Variants in PTPRG observed in about 807,000 individuals in gnomAD.
PTPRG encodes the protein protein tyrosine phosphatase receptor type G, also known as receptor-type tyrosine-protein phosphatase gamma.
Under a neutral mutation model 165.3 loss-of-function variants are expected in PTPRG, and 102 were observed. The observed-to-expected ratio is 0.62, with a 90% CI of 0.53 to 0.73. The LOEUF is 0.73. PTPRG is among the 30% of genes least tolerant of loss of function. The pLI, the probability that PTPRG is intolerant of heterozygous loss-of-function variation, is 0.00. For missense variants in PTPRG, 1,866 were observed against 1,861.4 expected, an observed-to-expected ratio of 1.00 and a Z score of -0.05; for synonymous variants, 675 against 669.5, an observed-to-expected ratio of 1.01 and a Z score of -0.13.
At chr3:61,643,461 A>G (rs1283958110) in intron 1 of PTPRG, among the ~76,000 whole-genome samples, 2 of 152,180 alleles carry the variant, frequency 1.3e-5, no homozygotes, top group African/African-American at 4.8e-5. Flanking sequence ...TCTAGGTCCA[A>G]TAATAACTTT....
chr3:61,692,643 C>A lies in PTPRG; in HGVS notation c.86-56235C>A, dbSNP rs1458862276. ...AGGTAAAGGAAAAACGGGGGTTGTT[C>A]TCTGGCAGGCAAGAGTGGGGGTCAC... On this transcript the variant is annotated intron_variant, in intron 1 of 29. Transcript: ENST00000474889. Among the ~76,000 whole-genome samples, 4 of 152,020 alleles carry A rather than the reference C, an allele frequency of 2.6e-5. 1 individual carries two copies. Among genetic ancestry groups the A allele is most frequent in the Middle Eastern group, 6.3e-3 (2 of 316 alleles).
chr3:61,876,424 G>T lies in PTPRG; in HGVS notation c.191-113201G>T, dbSNP rs182617218. On this transcript the variant is annotated intron_variant, in intron 2 of 29. Coordinates refer to ENST00000474889, the MANE Select transcript of PTPRG (RefSeq NM_002841.4). ...TTGATGAGTTAATTCTGTCACGCTC[G>T]TGTCAATTTCCTGGTTTTGATCATT... 3.9e-5 allele frequency among the ~76,000 whole-genome samples: 6 copies of T among 152,304 alleles called. No individual in the cohort carries two copies. The East Asian group carries it at 7.7e-4, about 20-fold the overall frequency.
At chr3:62,038,459 G>A (rs577706498) in intron 4 of PTPRG, among the ~76,000 whole-genome samples, 27 of 152,184 alleles carry the variant, frequency 1.8e-4, no homozygotes, top group Non-Finnish European at 3.5e-4. Context: ...GTGCAGTGGT[G>A]TAATCTTGGC....
intron 2 of PTPRG, among the ~76,000 whole-genome samples, chr3:61,914,206 C>T (rs765086546): frequency 1.8e-4 from 28 of 152,134 alleles, no homozygotes; most frequent in African/African-American, 4.8e-5. Context: ...CTTTGACCTA[C>T]GTTTCCTGTT....
In PTPRG at chr3:62,203,256, C is replaced by T. The variant is rs1206045799; in HGVS notation, c.1461C>T (p.Phe487=). The change falls in exon 12 of 30, where the codon TTC becomes TTT. Residue 487 remains phenylalanine, a synonymous_variant. Coordinates refer to ENST00000474889, the MANE Select transcript of PTPRG (RefSeq NM_002841.4). The surrounding 1 kb of genome is among the most constrained non-coding windows in gnomAD (Gnocchi z 6.4). ...CCTGGACGTCCTCTGGCATCCCATT[C>T]TCATTTGTTTCCATGGCAACTGGGA... is the stretch of plus-strand genomic sequence containing the variant. The part of the protein sequence containing the change: ...SSTWTSSGIP[F]SFVSMATGMG... 1.2e-6 allele frequency: 2 copies of T among 1,613,976 alleles called. No individual in the cohort carries two copies. Among genetic ancestry groups the T allele is most frequent in the East Asian group, 2.2e-5 (1 of 44,868 alleles).
rs549855735 is a variant in PTPRG, at chr3:61,601,951, C to T, written c.85+39579C>T. Reference sequence around the variant, plus strand: ...CTCTCATGCGTGGTTTCATTTGAACCTTACAACAACGCTGTTAGAGCGTTG... The same window carrying T: ...CTCTCATGCGTGGTTTCATTTGAACTTTACAACAACGCTGTTAGAGCGTTG... On this transcript the variant is annotated intron_variant, in intron 1 of 29. Transcript: ENST00000474889. 2.6e-5 allele frequency among the ~76,000 whole-genome samples: 4 copies of T among 152,316 alleles called. No individual in the cohort carries two copies. In the South Asian group the frequency reaches 8.3e-4, roughly 32 times the overall value.
intron 17 of PTPRG, among the ~76,000 whole-genome samples, chr3:62,265,443 A>T (rs1576195169): frequency 6.6e-6 from 1 of 152,090 alleles, no homozygotes; most frequent in Non-Finnish European, 1.5e-5. Flanking sequence ...AGTTTATATA[A>T]ATACATTTGT....
intron 1 of PTPRG, among the ~76,000 whole-genome samples, chr3:61,694,390 T>C (rs929226268): frequency 6.6e-6 from 1 of 152,150 alleles, no homozygotes; most frequent in African/African-American, 2.4e-5. Flanking sequence ...GATCAAAATG[T>C]TTGATAAAAT....
Position 62,078,211 on chromosome 3 carries a change from G to A in PTPRG, c.568G>A (p.Ala190Thr), listed in dbSNP as rs866875275. The A allele has an allele frequency of 1.1e-5, 17 of 1,606,376 alleles. No homozygotes were observed. Among genetic ancestry groups the A allele is most frequent in the East Asian group, 2.2e-5 (1 of 44,460 alleles). The change falls in exon 5 of 30, where the codon GCA becomes ACA. Residue 190 changes from alanine to threonine, a missense_variant. Around this residue, in one of 3 missense-constraint regions of PTPRG, gnomAD observed 408 missense variants for 376.2 expected, o/e 1.08. Transcript: ENST00000474889. The stretch of plus-strand genomic sequence containing the variant: ...AGATGACTTTGACAGCTTTCAAACC[G>A]CAATTTCTGAGAACAGAATAATCGG... ...NPDDFDSFQTAISENRIIGAM... is the reference protein window; with the variant it reads ...NPDDFDSFQTTISENRIIGAM...
intron 2 of PTPRG, among the ~76,000 whole-genome samples, chr3:61,776,100 AG>A (rs1249318666): frequency 6.6e-6 from 1 of 150,916 alleles, no homozygotes; most frequent in Non-Finnish European, 1.5e-5. Flanking sequence ...AAAAAAAAAA[AG>A]AATTCAAGGT....
intron 2 of PTPRG, among the ~76,000 whole-genome samples, chr3:61,866,541 T>C (rs368689114): frequency 1.4e-5 from 2 of 147,472 alleles, no homozygotes; most frequent in African/African-American, 4.9e-5. Context: ...CTGTAAAAAT[T>C]ACACTTACAC....
chr3:61,604,776 C>T (rs995527057), intron 1 of PTPRG, among the ~76,000 whole-genome samples: 1 of 152,020 alleles, frequency 6.6e-6, no homozygotes, highest in Non-Finnish European at 1.5e-5. Flanking sequence ...AGCTGTGCCA[C>T]GGCCACATGG....
Position 62,273,909 on chromosome 3 carries a change from G to A in PTPRG, c.3465+65G>A, listed in dbSNP as rs1413216314. The A allele has an allele frequency of 6.6e-7, 1 of 1,512,380 alleles. No homozygotes were observed. Among genetic ancestry groups the A allele is most frequent in the Non-Finnish European group, 9.1e-7 (1 of 1,098,858 alleles). The allele number at this position is 1,512,380 out of a possible 1,614,324, so 93.7% of individuals were successfully genotyped here. ...AATGTTTTAAATGCCTTGAGTTTGG[G>A]GGTTATGTCTTCTTTGCATTAATGT... On this transcript the variant is annotated intron_variant, in intron 23 of 29. Transcript: ENST00000474889. The surrounding 1 kb of genome is among the most constrained non-coding windows in gnomAD (Gnocchi z 4.1).
chr3:62,234,921 A>G (rs974513030), intron 14 of PTPRG, among the ~76,000 whole-genome samples: 1 of 151,226 alleles, frequency 6.6e-6, no homozygotes, highest in African/African-American at 2.4e-5. Context: ...TGATCGTGTG[A>G]TGTCTGAATC....
At chr3:62,268,002 T>C (rs1031758510) in intron 19 of PTPRG, among the ~76,000 whole-genome samples, 183 bp downstream of exon 19, 2 of 152,050 alleles carry the variant, frequency 1.3e-5, no homozygotes, top group South Asian at 4.1e-4. Context: ...TGAGAGTAAA[T>C]GTGATGACAG....
intron 1 of PTPRG, among the ~76,000 whole-genome samples, chr3:61,734,648 A>G (rs1406823228): frequency 6.6e-6 from 1 of 152,102 alleles, no homozygotes; most frequent in African/African-American, 2.4e-5. Flanking sequence ...GTTTCATTTA[A>G]TTTTGCCTGA....
In PTPRG at chr3:62,195,944, C is replaced by T. The variant is rs941161145; in HGVS notation, c.1327+774C>T. ...CTGGGATTACAGGCACCTGCCACCACGCCCAGCTAATTTTTTGTATTTTTA... is the reference window on the plus strand; with the variant it reads ...CTGGGATTACAGGCACCTGCCACCATGCCCAGCTAATTTTTTGTATTTTTA... On this transcript the variant is annotated intron_variant, in intron 10 of 29. Transcript: ENST00000474889. This position sits in a 1 kb window ranked among gnomAD's most constrained non-coding sequence, Gnocchi z 4.4. 3.3e-5 allele frequency among the ~76,000 whole-genome samples: 5 copies of T among 151,894 alleles called. No homozygotes were observed. Among genetic ancestry groups the T allele is most frequent in the East Asian group, 2.0e-4 (1 of 5,108 alleles).
At chr3:61,842,247 A>G (rs745916783) in intron 2 of PTPRG, among the ~76,000 whole-genome samples, 20 of 152,210 alleles carry the variant, frequency 1.3e-4, no homozygotes, top group Non-Finnish European at 2.9e-5. Context: ...ATCACTCAGC[A>G]GCAATAACGT....
chr3:62,203,732 A>G lies in PTPRG; in HGVS notation c.1937A>G (p.Gln646Arg), dbSNP rs770486552. The change falls in exon 12 of 30, where the codon CAG (glutamine) becomes CGG (arginine). Residue 646 changes from glutamine (Q) to arginine (R), a missense_variant. Gln to Arg is a conservative substitution (Grantham distance 43, BLOSUM62 1). Transcript: ENST00000474889. The surrounding 1 kb of genome is among the most constrained non-coding windows in gnomAD (Gnocchi z 6.4). The part of the protein sequence containing the change: ...GGHQTIPGHE[Q>R]DHTAVPTDQT... ...CATCAGACTATACCTGGGCATGAGC[A>G]GGATCACACTGCCGTCCCCACAGAC... 5.0e-6 allele frequency: 8 copies of G among 1,596,962 alleles called. No individual in the cohort carries two copies. Among genetic ancestry groups the G allele is most frequent in the African/African-American group, 1.3e-5 (1 of 74,840 alleles).
Sources: gnomAD v4.1 joint callset for allele counts (sites outside exome capture counted in the v4.1 genomes callset) on GRCh38, gnomAD v4.1.1 for gene constraint, gnomAD v4.1.1 regional missense constraint, Gnocchi (gnomAD v3.1) non-coding constraint, MANE v1.5 for transcripts, NCBI Gene and HGNC (gene_info 2026-07-23, HGNC 2026-07-21) for gene names.